Variants in AGBL1 observed in about 807,000 individuals in gnomAD.
AGBL1 encodes the protein cytosolic carboxypeptidase 4.
A neutral mutation model predicts 118.9 loss-of-function variants in AGBL1; 130 were observed. The ratio of observed to expected loss-of-function variants is 1.09; its 90% CI spans 0.95 to 1.26. The LOEUF (loss-of-function observed/expected upper bound fraction) is 1.26, where lower values mean the gene tolerates loss of function less well. Ranked by LOEUF, AGBL1 falls within the 50% of genes most tolerant of loss-of-function variation. The probability of loss-of-function intolerance (pLI) is 0.00; values close to 1 mark genes in which losing one functional copy is unlikely to be tolerated. For missense variants in AGBL1, 1,584 were observed against 1,298.1 expected, an observed-to-expected ratio of 1.22 and a Z score of -3.38; for synonymous variants, 555 against 478.9, an observed-to-expected ratio of 1.16 and a Z score of -2.08.
At chr15:86,825,613 C>T (rs2078998294) in intron 22 of AGBL1, among the ~76,000 whole-genome samples, 1 of 138,068 alleles carries the variant, frequency 7.2e-6, no homozygotes, top group Admixed American at 7.8e-5. Flanking sequence ...GCATTATTAA[C>T]CATCAGGAAA....
intron 23 of AGBL1, among the ~76,000 whole-genome samples, chr15:86,928,879 A>AACTTTC: frequency 6.6e-6 from 1 of 151,988 alleles, no homozygotes; most frequent in Middle Eastern, 3.4e-3. Context: ...TTAATAATTT[A>AACTTTC]TTTTTTATTG....
At chr15:86,443,878 A>G (rs989367789) in intron 18 of AGBL1, among the ~76,000 whole-genome samples, 4 of 150,014 alleles carry the variant, frequency 2.7e-5, no homozygotes, top group African/African-American at 9.9e-5. Context: ...TGACTCCTCT[A>G]TATCTTAGCT....
intron 18 of AGBL1, among the ~76,000 whole-genome samples, chr15:86,462,339 C>A (rs943573392): frequency 1.3e-5 from 2 of 152,144 alleles, no homozygotes; most frequent in Non-Finnish European, 2.9e-5. Context: ...CCAGTCTCAG[C>A]CCAAGCTCTC....
intron 3 of AGBL1, among the ~76,000 whole-genome samples, chr15:86,149,928 T>C (rs549982575): frequency 6.6e-6 from 1 of 152,264 alleles, no homozygotes; most frequent in African/African-American, 2.4e-5. Flanking sequence ...ACAAACTGTC[T>C]CTCAGACCAC....
At chr15:86,398,288 C>G (rs1164505487) in intron 18 of AGBL1, among the ~76,000 whole-genome samples, 3 of 152,122 alleles carry the variant, frequency 2.0e-5, no homozygotes, top group Non-Finnish European at 4.4e-5. Flanking sequence ...ATGAGGCACC[C>G]AAAGTCACAC....
At chr15:86,157,305 A>G (rs2077205670) in intron 4 of AGBL1, among the ~76,000 whole-genome samples, 1 of 152,196 alleles carries the variant, frequency 6.6e-6, no homozygotes, top group Non-Finnish European at 1.5e-5. Flanking sequence ...AAAGGAAAAG[A>G]GGAACTGTGG....
At chr15:86,582,717 T>G (rs2084187551) in intron 21 of AGBL1, among the ~76,000 whole-genome samples, 1 of 152,080 alleles carries the variant, frequency 6.6e-6, no homozygotes. Context: ...TGTAGGGACA[T>G]GGATGAAGCT....
chr15:86,759,276 G>A (rs998761089), intron 22 of AGBL1, among the ~76,000 whole-genome samples: 4 of 152,080 alleles, frequency 2.6e-5, no homozygotes, highest in South Asian at 2.1e-4. Context: ...GTAGTATAGT[G>A]GTTATAAGTC....
intron 6 of AGBL1, among the ~76,000 whole-genome samples, chr15:86,227,834 G>T (rs1425453694): frequency 1.3e-5 from 2 of 152,218 alleles, no homozygotes; most frequent in Non-Finnish European, 2.9e-5. Context: ...ACTTTGGAGG[G>T]AAACAGATTC....
chr15:86,132,068 A>G (rs1409107769), intron 1 of AGBL1, among the ~76,000 whole-genome samples: 2 of 152,188 alleles, frequency 1.3e-5, no homozygotes, highest in Non-Finnish European at 2.9e-5. Flanking sequence ...AGATTGGGGT[A>G]GGGAAGACCA....
At chr15:86,242,537 G>A (rs1178845194) in intron 6 of AGBL1, among the ~76,000 whole-genome samples, 1 of 152,200 alleles carries the variant, frequency 6.6e-6, no homozygotes, top group African/African-American at 2.4e-5. Flanking sequence ...TTTCAGAAAG[G>A]CAGTGACAGA....
intron 21 of AGBL1, among the ~76,000 whole-genome samples, chr15:86,666,843 G>A (rs2085653193): frequency 1.3e-5 from 2 of 151,960 alleles, no homozygotes; most frequent in Non-Finnish European, 2.9e-5. Flanking sequence ...AAAGTCAAAG[G>A]GCTTCCTCAG....
At chr15:86,756,311 G>C (rs186132453) in intron 22 of AGBL1, among the ~76,000 whole-genome samples, 1 of 151,758 alleles carries the variant, frequency 6.6e-6, no homozygotes, top group Admixed American at 6.6e-5. Flanking sequence ...AGTGAAGTTT[G>C]CTATGTAATC....
chr15:86,743,318 G>C lies in AGBL1; in HGVS notation c.3158+68882G>C, dbSNP rs192058178. Among the ~76,000 whole-genome samples the C allele has an allele frequency of 5.0e-3, 765 of 152,180 alleles. 8 individuals are homozygous for C. The highest frequency in any genetic ancestry group is 0.017 in the African/African-American group (721 of 41,536). ...GAATATCTCTCTGACTGAAACTCTAGGGGAGCCTAAGGGGGTTAAATGTTA... is the reference window on the plus strand; with the variant it reads ...GAATATCTCTCTGACTGAAACTCTACGGGAGCCTAAGGGGGTTAAATGTTA... On this transcript the variant is annotated intron_variant, in intron 22 of 22. Coordinates refer to ENST00000614907, the MANE Select transcript of AGBL1 (RefSeq NM_001386094.1).
At chr15:86,080,059 G>A in intron 1 of AGBL1, 36 bp downstream of exon 1, 1 of 1,231,602 alleles carries the variant, frequency 8.1e-7, no homozygotes, top group Non-Finnish European at 1.0e-6. Context: ...AACCCGGCGG[G>A]CTGGGTGTTT....
chr15:86,708,722 G>A lies in AGBL1; in HGVS notation c.3158+34286G>A, dbSNP rs533431307. Reference sequence around the variant, plus strand: ...TAAGAACTCAGAACTTAAAGATGTAGGAACTACAATTTGAGCCTTGCTCTA... The same window carrying A: ...TAAGAACTCAGAACTTAAAGATGTAAGAACTACAATTTGAGCCTTGCTCTA... On this transcript the variant is annotated intron_variant, in intron 22 of 22. Transcript: ENST00000614907. 4.6e-5 allele frequency among the ~76,000 whole-genome samples: 7 copies of A among 152,240 alleles called. No individual in the cohort carries two copies. The South Asian group carries it at 1.5e-3, about 32-fold the overall frequency.
At chr15:86,427,473 A>G (rs2081880769) in intron 18 of AGBL1, among the ~76,000 whole-genome samples, 1 of 150,156 alleles carries the variant, frequency 6.7e-6, no homozygotes, top group Admixed American at 6.7e-5. Flanking sequence ...CTTTTATGCT[A>G]TTTTATTTTT....
upstream of AGBL1, chr15:86,079,642 T>A (rs1895135987): frequency 9.4e-6 from 2 of 213,314 alleles, no homozygotes; most frequent in South Asian, 3.7e-4. Flanking sequence ...CTGTCAGCCA[T>A]CCAGGGTGGC....
intron 24 of AGBL1, among the ~76,000 whole-genome samples, chr15:86,998,197 A>G (rs2081397807): frequency 1.3e-5 from 2 of 152,172 alleles, no homozygotes; most frequent in Admixed American, 6.6e-5. Flanking sequence ...GTTATGTAAT[A>G]AAATATAGCA....
Sources: gnomAD v4.1 joint callset for allele counts (sites outside exome capture counted in the v4.1 genomes callset) on GRCh38, gnomAD v4.1.1 for gene constraint, MANE v1.5 for transcripts, NCBI Gene and HGNC (gene_info 2026-07-23, HGNC 2026-07-21) for gene names.